Variants in MTMR3 observed in about 807,000 individuals in gnomAD.
MTMR3 encodes the protein myotubularin related protein 3.
Under a neutral mutation model 132.4 loss-of-function variants are expected in MTMR3, and 32 were observed. The observed-to-expected ratio is 0.24, with a 90% CI of 0.18 to 0.32. The LOEUF (loss-of-function observed/expected upper bound fraction) is 0.32, where lower values mean the gene tolerates loss of function less well. Among genes scored for constraint, MTMR3 ranks in the 10% least tolerant of loss-of-function variants. The pLI is 1.00. For missense variants in MTMR3, 1,216 were observed against 1,489.6 expected, an observed-to-expected ratio of 0.82 and a Z score of 3.02; for synonymous variants, 556 against 550.3, an observed-to-expected ratio of 1.01 and a Z score of -0.14.
chr22:29,988,103 T>G (rs7284951), intron 5 of MTMR3: 11,981 of 154,026 alleles, frequency 0.078, 545 homozygotes, highest in African/African-American at 0.092. Flanking sequence ...AAGAAAAGAT[T>G]ACTGTTCTGG....
At position 29,911,280 on chromosome 22, in the gene MTMR3, G is replaced by A. The variant is rs551061849; in HGVS notation, c.-138+27921G>A. On this transcript the variant is annotated intron_variant, in intron 1 of 19. Transcript: ENST00000401950. ...ATTTTTGGGCTGGGTGTGGTGGCTC[G>A]CACCTGTAATCACAGCACTTTGGGA... Among the ~76,000 whole-genome samples, 47 of 152,132 alleles carry A rather than the reference G, an allele frequency of 3.1e-4. 2 individuals carry two copies. The South Asian group carries it at 8.5e-3, about 28-fold the overall frequency.
intron 1 of MTMR3, among the ~76,000 whole-genome samples, chr22:29,923,784 G>C (rs775321794): frequency 6.6e-6 from 1 of 151,980 alleles, no homozygotes; most frequent in Non-Finnish European, 1.5e-5. Context: ...CGTCTTACAG[G>C]TGTAATTAAG....
intron 1 of MTMR3, among the ~76,000 whole-genome samples, chr22:29,955,741 T>G (rs1231725878): frequency 6.6e-6 from 1 of 152,218 alleles, no homozygotes; most frequent in Non-Finnish European, 1.5e-5. Context: ...GTACCATATT[T>G]TACTGACTTT....
chr22:29,957,413 T>TTGTATGTA (rs1192668549), intron 2 of MTMR3, among the ~76,000 whole-genome samples: 4 of 129,170 alleles, frequency 3.1e-5, no homozygotes, highest in African/African-American at 1.2e-4. Context: ...CAATCTCCAG[T>TTGTATGTA]TGTATTTATT....
chr22:30,016,688 A>G lies in MTMR3; in HGVS notation c.1664A>G (p.Gln555Arg). 1 of 1,613,136 alleles carries G rather than the reference A, an allele frequency of 6.2e-7. No individual in the cohort carries two copies. Among genetic ancestry groups the G allele is most frequent in the Non-Finnish European group, 8.5e-7 (1 of 1,179,442 alleles). Reference protein sequence around the residue: ...KAFKNLLYSSQSEAVLYPVCH... With the variant: ...KAFKNLLYSSRSEAVLYPVCH... ...TTCAAAAACCTACTGTATTCCTCTC[A>G]GTCAGAAGCCGTATGTATCCTTCAG... The change falls in exon 15 of 20, where the codon CAG becomes CGG. Residue 555 changes from glutamine to arginine, a missense_variant. This residue lies in a region of MTMR3 where 852 missense variants were observed against 852.0 expected (regional missense o/e 1.00). Coordinates refer to ENST00000401950, the MANE Select transcript of MTMR3 (RefSeq NM_021090.4).
At chr22:29,953,425 A>G (rs1407017443) in intron 1 of MTMR3, among the ~76,000 whole-genome samples, 1 of 152,162 alleles carries the variant, frequency 6.6e-6, no homozygotes, top group African/African-American at 2.4e-5. Flanking sequence ...TGGCACATCG[A>G]TGATCACATA....
chr22:29,986,664 C>T (rs1601380299), intron 5 of MTMR3: 1 of 762,670 alleles, frequency 1.3e-6, no homozygotes, highest in Non-Finnish European at 1.6e-6. Context: ...TTTTTCTTTT[C>T]TTTTTTTTTT....
intron 14 of MTMR3, chr22:30,014,433 G>C (rs2067517537): frequency 6.7e-6 from 1 of 149,520 alleles, no homozygotes; most frequent in Admixed American, 6.7e-5. Flanking sequence ...CTTCCTTGCT[G>C]TTAGTTCTCC....
chr22:29,911,793 A>G (rs890019852), intron 1 of MTMR3, among the ~76,000 whole-genome samples: 12 of 152,246 alleles, frequency 7.9e-5, no homozygotes, highest in South Asian at 4.1e-4. Flanking sequence ...CCATTTTTCA[A>G]TGGCTTAGAG....
chr22:29,977,273 CAG>C (rs1313362426), intron 3 of MTMR3, among the ~76,000 whole-genome samples: 1 of 152,120 alleles, frequency 6.6e-6, no homozygotes, highest in East Asian at 1.9e-4. Flanking sequence ...ACATGGGTGA[CAG>C]AGCAAAACCC....
chr22:29,901,079 A>G (rs2064994963), intron 1 of MTMR3, among the ~76,000 whole-genome samples: 1 of 152,128 alleles, frequency 6.6e-6, no homozygotes, highest in Non-Finnish European at 1.5e-5. Context: ...ATAATCTGTT[A>G]GAGAGTTTTT....
At chr22:29,976,704 C>A (rs556232652) in intron 3 of MTMR3, among the ~76,000 whole-genome samples, 2 of 151,926 alleles carry the variant, frequency 1.3e-5, no homozygotes, top group South Asian at 4.1e-4. Context: ...GCAATAATAC[C>A]GTAATATTAT....
chr22:29,951,697 G>A (rs1426879914), intron 1 of MTMR3, among the ~76,000 whole-genome samples: 1 of 152,082 alleles, frequency 6.6e-6, no homozygotes, highest in African/African-American at 2.4e-5. Flanking sequence ...AATGTATTTA[G>A]AACCTTTCCC....
At chr22:29,892,832 G>A (rs1004833244) in intron 1 of MTMR3, among the ~76,000 whole-genome samples, 11 of 152,184 alleles carry the variant, frequency 7.2e-5, no homozygotes, top group African/African-American at 2.7e-4. Context: ...GCTATATACA[G>A]TGCTTTGCAC....
At chr22:29,974,179 A>G (rs2066588968) in intron 3 of MTMR3, among the ~76,000 whole-genome samples, 1 of 152,188 alleles carries the variant, frequency 6.6e-6, no homozygotes, top group African/African-American at 2.4e-5. Context: ...TAGCTAGGAT[A>G]CGTTTGTTTC....
At chr22:29,925,742 C>A (rs145575748) in intron 1 of MTMR3, among the ~76,000 whole-genome samples, 2 of 151,836 alleles carry the variant, frequency 1.3e-5, no homozygotes, top group Non-Finnish European at 2.9e-5. Context: ...AAGACGAACC[C>A]GTCTCTACTA....
chr22:29,967,668 C>A (rs953773068), intron 2 of MTMR3, among the ~76,000 whole-genome samples: 1 of 151,954 alleles, frequency 6.6e-6, no homozygotes, highest in Admixed American at 6.6e-5. Flanking sequence ...CATTTCATCA[C>A]CCTGCAAAGG....
chr22:29,982,348 A>G (rs1227685461), intron 5 of MTMR3: 1 of 152,114 alleles, frequency 6.6e-6, no homozygotes, highest in Non-Finnish European at 1.5e-5. Flanking sequence ...CTTAGGAAAC[A>G]AGGATTCTTC....
At chr22:29,957,945 A>C (rs187777186) in intron 2 of MTMR3, among the ~76,000 whole-genome samples, 1 of 152,092 alleles carries the variant, frequency 6.6e-6, no homozygotes, top group African/African-American at 2.4e-5. Context: ...CACTGTTTCT[A>C]ATTTATAAAG....
Sources: allele counts gnomAD v4.1 joint callset (sites outside exome capture counted in the v4.1 genomes callset), GRCh38; gene constraint gnomAD v4.1.1; regional missense constraint gnomAD v4.1.1; transcripts MANE v1.5; gene names NCBI Gene and HGNC (gene_info 2026-07-23, HGNC 2026-07-21).